LRRC3B: variants seen among roughly 807,000 people sequenced by gnomAD.
LRRC3B encodes the protein leucine rich repeat containing 3B, also known as leucine-rich repeat-containing protein 3B.
A neutral mutation model predicts 12.8 loss-of-function variants in LRRC3B; 2 were observed. The ratio of observed to expected loss-of-function variants is 0.16; its 90% CI spans 0.06 to 0.49. LRRC3B has a LOEUF of 0.49. Ranked by LOEUF, LRRC3B falls within the 20% of genes least tolerant of loss-of-function variation. LRRC3B has a pLI of 0.96. For synonymous variants in LRRC3B, 132 were observed against 122.0 expected, an observed-to-expected ratio of 1.08 and a Z score of -0.54; for missense variants, 189 against 319.4, an observed-to-expected ratio of 0.59 and a Z score of 3.11.
At chr3:26,657,724 C>T (rs935897659) in intron 1 of LRRC3B, among the ~76,000 whole-genome samples, 7 of 151,902 alleles carry the variant, frequency 4.6e-5, no homozygotes, top group African/African-American at 1.2e-4. Context: ...TCATTACTTT[C>T]GAGGTTGCTC....
intron 1 of LRRC3B, among the ~76,000 whole-genome samples, chr3:26,629,351 A>C (rs1371254495): frequency 6.6e-6 from 1 of 152,224 alleles, no homozygotes; most frequent in African/African-American, 2.4e-5. Flanking sequence ...TTTCAGGACA[A>C]ATACGTCCTC....
At chr3:26,643,030 G>C (rs1419208689) in intron 1 of LRRC3B, among the ~76,000 whole-genome samples, 1 of 139,544 alleles carries the variant, frequency 7.2e-6, no homozygotes, top group Non-Finnish European at 1.5e-5. Context: ...AAAAAAGGCA[G>C]AATTACCAGG....
chr3:26,688,341 G>A (rs1254289944), intron 1 of LRRC3B, among the ~76,000 whole-genome samples: 2 of 152,192 alleles, frequency 1.3e-5, no homozygotes, highest in African/African-American at 2.4e-5. Context: ...TTGAAAGTTC[G>A]ACTTGGTCAG....
At chr3:26,710,086 C>T (rs2125469327) in exon 2 of LRRC3B, 2 of 1,614,086 alleles carry the variant, frequency 1.2e-6, no homozygotes, top group South Asian at 2.2e-5. Flanking sequence ...ACCTGAAGGC[C>T]AGGGCCAGAA....
chr3:26,700,894 A>G (rs1700436873), intron 1 of LRRC3B, among the ~76,000 whole-genome samples: 1 of 152,094 alleles, frequency 6.6e-6, no homozygotes, highest in Non-Finnish European at 1.5e-5. Context: ...TGCAATTACT[A>G]CCTTTTAGGG....
chr3:26,685,098 C>T (rs931988933), intron 1 of LRRC3B, among the ~76,000 whole-genome samples: 6 of 152,152 alleles, frequency 3.9e-5, no homozygotes, highest in East Asian at 1.9e-4. Flanking sequence ...GGATTATGGG[C>T]GTGTGCCACC....
At chr3:26,708,382 A>ATACT (rs1700657573) in intron 1 of LRRC3B, among the ~76,000 whole-genome samples, 1 of 152,214 alleles carries the variant, frequency 6.6e-6, no homozygotes, top group Middle Eastern at 3.2e-3. Context: ...TACTTGCTGG[A>ATACT]TACTTATAGA....
At chr3:26,699,368 A>G (rs1700397837) in intron 1 of LRRC3B, among the ~76,000 whole-genome samples, 2 of 152,136 alleles carry the variant, frequency 1.3e-5, no homozygotes, top group African/African-American at 2.4e-5. Context: ...TGTGAGACCA[A>G]TGAGGTGGAT....
intron 1 of LRRC3B, among the ~76,000 whole-genome samples, chr3:26,662,063 C>G (rs1162462173): frequency 7.9e-5 from 12 of 152,180 alleles, no homozygotes; most frequent in Non-Finnish European, 1.3e-4. Flanking sequence ...ATTTACTTCT[C>G]TGTTCCAAAA....
chr3:26,707,479 T>C (rs1024426847), intron 1 of LRRC3B, among the ~76,000 whole-genome samples: 3 of 152,220 alleles, frequency 2.0e-5, no homozygotes, highest in Non-Finnish European at 4.4e-5. Flanking sequence ...AAGCCTCTGC[T>C]GTCATGGAGC....
chr3:26,659,634 A>G (rs1699452280), intron 1 of LRRC3B, among the ~76,000 whole-genome samples: 1 of 152,124 alleles, frequency 6.6e-6, no homozygotes. Context: ...TATTTTTCCT[A>G]CTTCTTTAGG....
At chr3:26,662,697 A>G (rs1559358833) in intron 1 of LRRC3B, among the ~76,000 whole-genome samples, 1 of 152,078 alleles carries the variant, frequency 6.6e-6, no homozygotes, top group Admixed American at 6.5e-5. Context: ...GAGTGTGGCT[A>G]CTTTGGTGGT....
intron 1 of LRRC3B, among the ~76,000 whole-genome samples, chr3:26,703,357 G>A (rs1230956442): frequency 2.0e-5 from 3 of 152,092 alleles, no homozygotes; most frequent in Non-Finnish European, 4.4e-5. Flanking sequence ...ATGAGAATAA[G>A]CAAATGCTAT....
At chr3:26,631,951 T>A (rs1386528383) in intron 1 of LRRC3B, among the ~76,000 whole-genome samples, 1 of 152,240 alleles carries the variant, frequency 6.6e-6, no homozygotes, top group Non-Finnish European at 1.5e-5. Context: ...CCATATGATG[T>A]CTTCTCTGTT....
intron 1 of LRRC3B, among the ~76,000 whole-genome samples, chr3:26,695,462 G>A (rs925894481): frequency 3.3e-5 from 5 of 152,150 alleles, no homozygotes; most frequent in African/African-American, 1.2e-4. Context: ...GGGAGGCGGA[G>A]CTTGCAGTGA....
At chr3:26,671,367 T>TAGAGAGAGAGAGAGAGAG (rs1480789861) in intron 1 of LRRC3B, among the ~76,000 whole-genome samples, 8 of 40,314 alleles carry the variant, frequency 2.0e-4, no homozygotes, top group East Asian at 1.5e-3. Context: ...TATATATATA[T>TAGAGAGAGAGAGAGAGAG]ATATATAGAG....
At position 26,710,007 on chromosome 3, in the gene LRRC3B, C is replaced by CT; in HGVS notation, c.336dup (p.Glu113Ter). ...GATGAGCATGCCTTCAAAGGAGTAG[C>CT]TGAAACCTTGCAGACTCTGGACTTG... On this transcript the variant is annotated frameshift_variant, in exon 2 of 2. Transcript: ENST00000396641. LOFTEE classifies it high-confidence loss of function. The CT allele has an allele frequency of 6.2e-7, 1 of 1,614,122 alleles. No homozygotes were observed. Among genetic ancestry groups the CT allele is most frequent in the Non-Finnish European group, 8.5e-7 (1 of 1,180,026 alleles).
chr3:26,665,501 A>G (rs1490467158), intron 1 of LRRC3B, among the ~76,000 whole-genome samples: 4 of 152,106 alleles, frequency 2.6e-5, no homozygotes, highest in African/African-American at 9.7e-5. Context: ...AATCTACCAA[A>G]ACAACTTCAA....
At chr3:26,709,380 T>C (rs533554914) in intron 1 of LRRC3B, 133 bp from the exon 2 acceptor site, 2 of 406,384 alleles carry the variant, frequency 4.9e-6, no homozygotes, top group African/African-American at 2.0e-5. Flanking sequence ...TAACTCCCAG[T>C]GGCATTGATG....
Sources: gnomAD v4.1 joint callset for allele counts (sites outside exome capture counted in the v4.1 genomes callset) on GRCh38, gnomAD v4.1.1 for gene constraint, MANE v1.5 for transcripts, NCBI Gene and HGNC (gene_info 2026-07-23, HGNC 2026-07-21) for gene names.